Variants in GABRG3 observed in about 807,000 individuals in gnomAD.
GABRG3 encodes gamma-aminobutyric acid type A receptor subunit gamma3.
A neutral mutation model predicts 48.8 loss-of-function variants in GABRG3; 25 were observed. The observed-to-expected ratio is 0.51, with a 90% CI of 0.37 to 0.72. The LOEUF is 0.72. Among genes scored for constraint, GABRG3 ranks in the 30% least tolerant of loss-of-function variants. The probability of loss-of-function intolerance (pLI) is 0.00; values close to 1 mark genes in which losing one functional copy is unlikely to be tolerated. For synonymous variants in GABRG3, 227 were observed against 217.6 expected (o/e 1.04, Z -0.38); for missense variants, 394 against 577.9 (o/e 0.68, Z 3.26).
Position 27,236,385 on chromosome 15 carries a change from T to C in GABRG3, c.271-90424T>C, listed in dbSNP as rs1193261625. Among the ~76,000 whole-genome samples, 1 of 152,172 alleles carries C rather than the reference T, an allele frequency of 6.6e-6. No homozygotes were observed. Among genetic ancestry groups the C allele is most frequent in the African/African-American group, 2.4e-5 (1 of 41,450 alleles). The stretch of plus-strand genomic sequence containing the variant: ...CTGAATGGACCCCCTGACCCACTGT[T>C]GGCTGAGAGAAACCTTAGAAACTGA... On this transcript the variant is annotated intron_variant, in intron 3 of 9. Transcript: ENST00000615808. The surrounding 1 kb of genome is among the most constrained non-coding windows in gnomAD (Gnocchi z 4.4).
At chr15:26,990,765 A>G (rs575870957) in intron 2 of GABRG3, among the ~76,000 whole-genome samples, 5 of 143,988 alleles carry the variant, frequency 3.5e-5, no homozygotes, top group African/African-American at 1.3e-4. Flanking sequence ...GTAGTTCCAT[A>G]TTTTAAGGTC....
At chr15:27,020,577 A>G (rs1370482311) in intron 2 of GABRG3, among the ~76,000 whole-genome samples, 3 of 101,774 alleles carry the variant, frequency 2.9e-5, no homozygotes, top group South Asian at 3.1e-4. Flanking sequence ...ACGCCCGGCT[A>G]ATTTTTTTTT....
chr15:27,212,392 G>T (rs564528526), intron 3 of GABRG3, among the ~76,000 whole-genome samples: 1 of 152,190 alleles, frequency 6.6e-6, no homozygotes. Flanking sequence ...GATAGTTGAA[G>T]TCTTGGCTTT....
chr15:27,277,304 A>G (rs1348353750), intron 3 of GABRG3, among the ~76,000 whole-genome samples: 1 of 152,270 alleles, frequency 6.6e-6, no homozygotes, highest in African/African-American at 2.4e-5. Context: ...AAAGTGTGAC[A>G]GATGGTCACC....
chr15:27,533,178 G>A lies in GABRG3; in HGVS notation c.*297G>A, dbSNP rs760983232. 6 of 323,076 alleles carry A rather than the reference G, an allele frequency of 1.9e-5. No homozygotes were observed. The highest frequency in any genetic ancestry group is 3.4e-5 in the Non-Finnish European group (6 of 174,168). The allele number at this position is 323,076 out of a possible 1,614,324, so 20.0% of individuals were successfully genotyped here. A position where few individuals can be genotyped will look rare whatever the true frequency, so the allele number is the denominator to read the frequency against. ...TGGTTTTTGGATATTGGAAGCAGCC[G>A]CTGATTACCCTTGCAAAGAAATCTG... is the stretch of plus-strand genomic sequence containing the variant. On this transcript the variant is annotated 3_prime_UTR_variant, in exon 10 of 10. Transcript: ENST00000615808.
intron 2 of GABRG3, among the ~76,000 whole-genome samples, chr15:26,981,931 C>G (rs1436808595): frequency 6.6e-6 from 1 of 152,170 alleles, no homozygotes; most frequent in Non-Finnish European, 1.5e-5. Context: ...GTGTGGGAGA[C>G]TTTGAAGATG....
intron 3 of GABRG3, among the ~76,000 whole-genome samples, chr15:27,306,664 G>A (rs1490315636): frequency 0.049 from 2,989 of 60,608 alleles, 411 homozygotes; most frequent in African/African-American, 0.16. Flanking sequence ...ATATGAACAT[G>A]TTTATATATA....
intron 2 of GABRG3, among the ~76,000 whole-genome samples, chr15:27,002,423 G>T (rs1009698554): frequency 3.3e-5 from 5 of 152,074 alleles, no homozygotes; most frequent in Non-Finnish European, 7.4e-5. Context: ...TTTTAGCAGT[G>T]GGCTCATGGT....
chr15:27,514,984 A>G (rs1566875119), intron 6 of GABRG3, among the ~76,000 whole-genome samples: 1 of 152,252 alleles, frequency 6.6e-6, no homozygotes, highest in Non-Finnish European at 1.5e-5. Context: ...TTATTAAGGA[A>G]CAAATTCTCA....
Position 27,277,804 on chromosome 15 carries a change from A to C in GABRG3, c.271-49005A>C, listed in dbSNP as rs1043888011. Among the ~76,000 whole-genome samples, 3 of 152,220 alleles carry C rather than the reference A, an allele frequency of 2.0e-5. No individual in the cohort carries two copies. The East Asian group carries it at 5.8e-4, about 29-fold the overall frequency. On this transcript the variant is annotated intron_variant, in intron 3 of 9. Coordinates refer to ENST00000615808, the MANE Select transcript of GABRG3 (RefSeq NM_033223.5). ...TAAAAAAGGAAGAAATTTAGAGGCC[A>C]TTAAAGCATTATCTTTTATTTCTTT...
At chr15:27,229,774 G>C (rs1272302902) in intron 3 of GABRG3, among the ~76,000 whole-genome samples, 1 of 152,114 alleles carries the variant, frequency 6.6e-6, no homozygotes, top group Non-Finnish European at 1.5e-5. Flanking sequence ...TCTGCGCCCA[G>C]CTATGTGCCT....
At chr15:27,119,009 G>C (rs1414265020) in intron 3 of GABRG3, among the ~76,000 whole-genome samples, 1 of 152,168 alleles carries the variant, frequency 6.6e-6, no homozygotes, top group Non-Finnish European at 1.5e-5. Flanking sequence ...ATTCTTCCCT[G>C]AAGCAGGCCA....
intron 5 of GABRG3, chr15:27,428,133 C>T (rs1888346347): frequency 6.5e-6 from 1 of 152,726 alleles, no homozygotes; most frequent in Admixed American, 6.6e-5. Flanking sequence ...AAGCAGTCCT[C>T]CCGCATTGGC....
At chr15:27,299,844 G>T (rs1285923796) in intron 3 of GABRG3, among the ~76,000 whole-genome samples, 2 of 152,082 alleles carry the variant, frequency 1.3e-5, no homozygotes, top group African/African-American at 2.4e-5. Context: ...TCTAGCCAGA[G>T]GCCCAAAAAA....
chr15:27,087,481 G>A (rs1304982594), intron 3 of GABRG3, among the ~76,000 whole-genome samples: 5 of 152,220 alleles, frequency 3.3e-5, no homozygotes, highest in Non-Finnish European at 7.3e-5. Context: ...ACTTGAAAGT[G>A]TGGGCCAAGA....
chr15:27,211,239 T>A (rs1369002123), intron 3 of GABRG3, among the ~76,000 whole-genome samples: 1 of 152,134 alleles, frequency 6.6e-6, no homozygotes, highest in Non-Finnish European at 1.5e-5. Context: ...TGTTGCTAGA[T>A]CACAGAAGCA....
At chr15:27,101,981 C>T (rs1287194658) in intron 3 of GABRG3, among the ~76,000 whole-genome samples, 1 of 152,104 alleles carries the variant, frequency 6.6e-6, no homozygotes, top group South Asian at 2.1e-4. Flanking sequence ...CAAGCTTGCC[C>T]GAGACTTTAA....
At chr15:27,476,793 CA>C (rs1889953363) in intron 5 of GABRG3, among the ~76,000 whole-genome samples, 1 of 152,126 alleles carries the variant, frequency 6.6e-6, no homozygotes, top group African/African-American at 2.4e-5. Flanking sequence ...AAAAATTTGA[CA>C]AAACAATTCA....
chr15:27,485,374 C>T (rs746547735), intron 6 of GABRG3, among the ~76,000 whole-genome samples: 16 of 151,908 alleles, frequency 1.1e-4, no homozygotes, highest in Admixed American at 2.0e-4. Flanking sequence ...AAGAAGAAAG[C>T]GAAGAAAACA....
Sources: gnomAD v4.1 joint callset for allele counts (sites outside exome capture counted in the v4.1 genomes callset) on GRCh38, gnomAD v4.1.1 for gene constraint, Gnocchi (gnomAD v3.1) non-coding constraint, MANE v1.5 for transcripts, NCBI Gene and HGNC (gene_info 2026-07-23, HGNC 2026-07-21) for gene names.